The following RICTOR variants were observed in gnomAD, a reference collection of about 807,000 sequenced individuals.
RICTOR encodes RPTOR independent companion of MTOR complex 2.
Under a neutral mutation model 214.9 loss-of-function variants are expected in RICTOR, and 49 were observed. The observed-to-expected ratio is 0.23, with a 90% CI of 0.18 to 0.29. The LOEUF (loss-of-function observed/expected upper bound fraction) is 0.29, where lower values mean the gene tolerates loss of function less well. Among genes scored for constraint, RICTOR ranks in the 10% least tolerant of loss-of-function variants. The pLI is 1.00. For synonymous variants in RICTOR, 717 were observed against 711.3 expected, an observed-to-expected ratio of 1.01 and a Z score of -0.13; for missense variants, 1,625 against 2,047.0, an observed-to-expected ratio of 0.79 and a Z score of 3.98.
intron 7 of RICTOR, among the ~76,000 whole-genome samples, chr5:38,986,550 A>T (rs1752186583): frequency 6.6e-6 from 1 of 152,356 alleles, no homozygotes; most frequent in South Asian, 2.1e-4. Context: ...TTTGTTAAAT[A>T]ACAAGTTCTC....
intron 2 of RICTOR, among the ~76,000 whole-genome samples, chr5:39,022,953 G>A (rs1302034050): frequency 6.6e-6 from 1 of 152,140 alleles, no homozygotes; most frequent in Non-Finnish European, 1.5e-5. Flanking sequence ...TTCCAAATTT[G>A]ATGAAAACAA....
chr5:39,063,350 T>A (rs1440341277), intron 2 of RICTOR, among the ~76,000 whole-genome samples: 1 of 152,148 alleles, frequency 6.6e-6, no homozygotes, highest in Non-Finnish European at 1.5e-5. Flanking sequence ...GGGATTTATA[T>A]CCAGGAAAAC....
Position 39,057,985 on chromosome 5 carries a change from A to C in RICTOR, c.97+16126T>G, listed in dbSNP as rs1671966444. Among the ~76,000 whole-genome samples, 3 of 152,114 alleles carry C rather than the reference A, an allele frequency of 2.0e-5. No individual in the cohort carries two copies. In the South Asian group the frequency reaches 6.2e-4, roughly 31 times the overall value. ...TTCATATTTACTCTAGTGCTTTTGC[A>C]TACTGAAATAAGTAAAAATTTTCTT... On this transcript the variant is annotated intron_variant, in intron 2 of 37. Transcript: ENST00000357387.
chr5:39,043,176 CA>C (rs1401033776), intron 2 of RICTOR, among the ~76,000 whole-genome samples: 1 of 151,840 alleles, frequency 6.6e-6, no homozygotes, highest in East Asian at 1.9e-4. Flanking sequence ...ATGAGTAAAC[CA>C]AAGAGATACC....
chr5:38,945,523 C>A lies in RICTOR; in HGVS notation c.4601G>T (p.Ser1534Ile). 1 of 1,613,878 alleles carries A rather than the reference C, an allele frequency of 6.2e-7. No homozygotes were observed. The highest frequency in any genetic ancestry group is 8.5e-7 in the Non-Finnish European group (1 of 1,179,782). Residue 1534 changes from serine to isoleucine, a missense_variant, in exon 34 of 38, where the codon AGC (serine) becomes ATC (isoleucine). Physicochemically the swap from Ser to Ile is moderately radical, Grantham distance 142. Coordinates refer to ENST00000357387, the MANE Select transcript of RICTOR (RefSeq NM_152756.5). ...ACTACATATTGCACTCAGTTGGTTGCTGGGCTGGAAACCCAGAATTTCAAT... is the reference window on the plus strand; with the variant it reads ...ACTACATATTGCACTCAGTTGGTTGATGGGCTGGAAACCCAGAATTTCAAT... The part of the protein sequence containing the change: ...VCIEILGFQP[S>I]NQLSAICSHS...
intron 18 of RICTOR, 34 bp from the exon 19 acceptor site, chr5:38,962,395 A>G (rs779032231): frequency 3.4e-6 from 4 of 1,179,552 alleles, no homozygotes; most frequent in Admixed American, 4.0e-5. Flanking sequence ...TTACATATGT[A>G]CTTATCAATT....
chr5:38,950,333 G>A lies in RICTOR; in HGVS notation c.3515C>T (p.Thr1172Ile). ...SFMGNKHIED[T>I]GSTPSIGEND... The stretch of plus-strand genomic sequence containing the variant: ...TTCTCCAATGCTTGGTGTACTACCA[G>A]TGTCTTCAATGTGCTTATTCCCCAT... Residue 1172 changes from threonine to isoleucine, a missense_variant, in exon 31 of 38, where the codon ACT becomes ATT. Coordinates refer to ENST00000357387, the MANE Select transcript of RICTOR (RefSeq NM_152756.5). 6.2e-7 allele frequency: 1 copy of A among 1,613,428 alleles called. No individual in the cohort carries two copies. Among genetic ancestry groups the A allele is most frequent in the South Asian group, 1.1e-5 (1 of 91,066 alleles).
At chr5:38,978,912 C>T (rs1160917191) in intron 8 of RICTOR, among the ~76,000 whole-genome samples, 1 of 152,040 alleles carries the variant, frequency 6.6e-6, no homozygotes, top group Non-Finnish European at 1.5e-5. Flanking sequence ...GTAACTAGCA[C>T]AAGATAAAAC....
At chr5:38,993,695 A>G (rs1175134956) in intron 6 of RICTOR, among the ~76,000 whole-genome samples, 3 of 152,086 alleles carry the variant, frequency 2.0e-5, no homozygotes, top group African/African-American at 7.2e-5. Flanking sequence ...TCAGTGATAT[A>G]GTAATTATAA....
At chr5:39,073,536 C>A (rs1345798156) in intron 2 of RICTOR, among the ~76,000 whole-genome samples, 1 of 152,148 alleles carries the variant, frequency 6.6e-6, no homozygotes, top group Admixed American at 6.5e-5. Context: ...AGGGAAACAG[C>A]ATAAACCAGA....
chr5:39,043,933 C>CTAAGAAGTCCA (rs1020515570), intron 2 of RICTOR, among the ~76,000 whole-genome samples: 10 of 152,304 alleles, frequency 6.6e-5, no homozygotes, highest in Admixed American at 6.5e-4. Flanking sequence ...CAATCTTGGA[C>CTAAGAAGTCCA]TTCTTAGCCT....
At chr5:39,070,049 T>G (rs886258880) in intron 2 of RICTOR, among the ~76,000 whole-genome samples, 1 of 152,220 alleles carries the variant, frequency 6.6e-6, no homozygotes, top group African/African-American at 2.4e-5. Context: ...TTTCCTCATT[T>G]TTATTCTTCC....
chr5:38,985,821 G>A (rs1029422776), intron 7 of RICTOR, among the ~76,000 whole-genome samples: 12 of 151,760 alleles, frequency 7.9e-5, no homozygotes, highest in Admixed American at 7.2e-4. Context: ...TCAGCCTCCC[G>A]AGTAGCTGGG....
chr5:39,043,438 C>A (rs1428776700), intron 2 of RICTOR, among the ~76,000 whole-genome samples: 3 of 152,074 alleles, frequency 2.0e-5, no homozygotes, highest in Non-Finnish European at 2.9e-5. Context: ...AGAAGCTGAT[C>A]TCAGAAGTAC....
At chr5:38,990,515 GAT>G (rs1191704534) in intron 7 of RICTOR, among the ~76,000 whole-genome samples, 6 of 146,334 alleles carry the variant, frequency 4.1e-5, no homozygotes, top group South Asian at 2.1e-4. Context: ...ATATATACAC[GAT>G]ATATATACGA....
intron 22 of RICTOR, 23 bp from the exon 23 acceptor site, chr5:38,958,854 T>G (rs1749543600): frequency 1.2e-5 from 15 of 1,248,444 alleles, no homozygotes; most frequent in Non-Finnish European, 1.6e-5. Flanking sequence ...ATGAATACAT[T>G]AAAAAAAAAA....
At chr5:38,999,583 C>T (rs1490425018) in intron 5 of RICTOR, among the ~76,000 whole-genome samples, 2 of 151,290 alleles carry the variant, frequency 1.3e-5, no homozygotes, top group African/African-American at 2.4e-5. Flanking sequence ...AGCCAAGACA[C>T]GAAAAGAGGA....
chr5:39,003,150 G>A (rs1036318842), intron 4 of RICTOR, among the ~76,000 whole-genome samples: 2 of 152,116 alleles, frequency 1.3e-5, no homozygotes, highest in Admixed American at 6.5e-5. Context: ...GTACCTAAAA[G>A]ATAGTTATAA....
At chr5:38,970,684 T>G (rs996605220) in intron 11 of RICTOR, 3 of 151,722 alleles carry the variant, frequency 2.0e-5, no homozygotes, top group Non-Finnish European at 2.9e-5. Flanking sequence ...ATAAAAACAT[T>G]TAAGGAGAAA....
Sources: allele counts gnomAD v4.1 joint callset (sites outside exome capture counted in the v4.1 genomes callset), GRCh38; gene constraint gnomAD v4.1.1; transcripts MANE v1.5; gene names NCBI Gene and HGNC (gene_info 2026-07-23, HGNC 2026-07-21).